AKT3: variants seen among roughly 807,000 people sequenced by gnomAD.
AKT3 encodes the protein AKT serine/threonine kinase 3, also known as RAC-gamma serine/threonine-protein kinase.
A neutral mutation model predicts 65.3 loss-of-function variants in AKT3; 15 were observed. The observed-to-expected ratio is 0.23, with a 90% CI of 0.15 to 0.35. AKT3 has a LOEUF of 0.35. AKT3 is among the 10% of genes least tolerant of loss of function. The pLI is 1.00. For missense variants in AKT3, 243 were observed against 576.5 expected (o/e 0.42, Z 5.92); for synonymous variants, 206 against 183.8 (o/e 1.12, Z -0.98).
At chr1:243,686,659 T>A (rs1168476785) in intron 3 of AKT3, among the ~76,000 whole-genome samples, 251 of 25,026 alleles carry the variant, frequency 0.01, no homozygotes, top group Non-Finnish European at 0.013. Context: ...ATATTTTTTT[T>A]TTTTTTTTTT....
chr1:243,526,778 TTAAAAAAAAAAAAAAAAAAAAAAAAA>T (rs1671125432), intron 12 of AKT3, among the ~76,000 whole-genome samples: 1 of 55,726 alleles, frequency 1.8e-5, no homozygotes, highest in Admixed American at 2.3e-4. Flanking sequence ...CAAAAAATGG[TTAAAAAAAAAAAAAAAAAAAAAAAAA>T]AAAAAAAAAA....
chr1:243,592,352 A>C (rs894281241), intron 8 of AKT3, among the ~76,000 whole-genome samples: 2 of 152,046 alleles, frequency 1.3e-5, no homozygotes, highest in African/African-American at 2.4e-5. Flanking sequence ...AAAAAGACAA[A>C]AAACAAACAA....
At chr1:243,657,984 G>C (rs1325470202) in intron 4 of AKT3, among the ~76,000 whole-genome samples, 1 of 151,984 alleles carries the variant, frequency 6.6e-6, no homozygotes, top group African/African-American at 2.4e-5. Flanking sequence ...ACTCAAAATG[G>C]ATCAAAGAAT....
At chr1:243,811,694 A>G (rs1558835011) in intron 2 of AKT3, among the ~76,000 whole-genome samples, 1 of 152,242 alleles carries the variant, frequency 6.6e-6, no homozygotes, top group Admixed American at 6.5e-5. Context: ...ATGGAACCAA[A>G]AAAGAGCCTG....
At chr1:243,701,981 T>C (rs1685492395) in intron 2 of AKT3, among the ~76,000 whole-genome samples, 1 of 152,082 alleles carries the variant, frequency 6.6e-6, no homozygotes, top group Non-Finnish European at 1.5e-5. Context: ...GTATGATTAT[T>C]TGTCCTTATA....
chr1:243,753,599 G>A (rs1230284999), intron 2 of AKT3, among the ~76,000 whole-genome samples: 1 of 152,160 alleles, frequency 6.6e-6, no homozygotes, highest in Admixed American at 6.5e-5. Context: ...TCTGATAGTT[G>A]TATAATACTG....
intron 8 of AKT3, among the ~76,000 whole-genome samples, chr1:243,606,736 A>G (rs528334522): frequency 6.6e-6 from 1 of 152,350 alleles, no homozygotes; most frequent in South Asian, 2.1e-4. Context: ...GGCATTTCAG[A>G]GACCTTTGCA....
At chr1:243,760,944 C>A (rs1341977013) in intron 2 of AKT3, among the ~76,000 whole-genome samples, 1 of 152,156 alleles carries the variant, frequency 6.6e-6, no homozygotes, top group Non-Finnish European at 1.5e-5. Context: ...CAGAAACACA[C>A]ATAAAACCAG....
At chr1:243,724,353 AT>A (rs1349966329) in intron 2 of AKT3, among the ~76,000 whole-genome samples, 2 of 152,102 alleles carry the variant, frequency 1.3e-5, no homozygotes, top group Non-Finnish European at 2.9e-5. Context: ...TAATATCTCT[AT>A]TTTTAGTTCC....
intron 8 of AKT3, among the ~76,000 whole-genome samples, chr1:243,609,076 C>A (rs1191232606): frequency 2.6e-5 from 4 of 151,728 alleles, no homozygotes; most frequent in Non-Finnish European, 4.4e-5. Context: ...TATAAGGCAT[C>A]CCTGGGCAGC....
intron 13 of AKT3, among the ~76,000 whole-genome samples, chr1:243,507,575 G>A (rs1319009357): frequency 6.6e-6 from 1 of 152,218 alleles, no homozygotes; most frequent in African/African-American, 2.4e-5. Flanking sequence ...CTCTGAGTCG[G>A]AGCCTGTCAA....
chr1:243,562,414 G>A (rs907479942), intron 10 of AKT3, among the ~76,000 whole-genome samples: 1 of 152,126 alleles, frequency 6.6e-6, no homozygotes, highest in Non-Finnish European at 1.5e-5. Context: ...ACAACTCTGT[G>A]AACATATTAA....
intron 10 of AKT3, among the ~76,000 whole-genome samples, chr1:243,559,321 A>G (rs1673613781): frequency 6.6e-6 from 1 of 152,140 alleles, no homozygotes; most frequent in Non-Finnish European, 1.5e-5. Flanking sequence ...TGTTAAAAAC[A>G]CAAAACAAAA....
At chr1:243,542,853 A>G (rs1672410846) in intron 12 of AKT3, among the ~76,000 whole-genome samples, 1 of 152,162 alleles carries the variant, frequency 6.6e-6, no homozygotes, top group Non-Finnish European at 1.5e-5. Flanking sequence ...CTGCTATAAT[A>G]AAGTTGCTCC....
intron 3 of AKT3, among the ~76,000 whole-genome samples, chr1:243,685,598 G>C (rs930305474): frequency 2.0e-5 from 3 of 152,106 alleles, no homozygotes; most frequent in African/African-American, 7.2e-5. Flanking sequence ...AGTATAGTAT[G>C]AAGTCAGGTA....
intron 3 of AKT3, among the ~76,000 whole-genome samples, chr1:243,667,485 C>A (rs934606884): frequency 1.3e-5 from 2 of 152,092 alleles, no homozygotes; most frequent in African/African-American, 4.8e-5. Context: ...ACATCACATT[C>A]ACTCCTCCTG....
intron 2 of AKT3, among the ~76,000 whole-genome samples, chr1:243,795,036 C>A (rs563969339): frequency 1.3e-5 from 2 of 152,150 alleles, no homozygotes; most frequent in African/African-American, 4.8e-5. Flanking sequence ...CATGTCTTCT[C>A]TGATAATACT....
intron 10 of AKT3, 39 bp downstream of exon 10, chr1:243,563,681 T>C (rs1192957773): frequency 6.4e-7 from 1 of 1,566,754 alleles, no homozygotes; most frequent in East Asian, 2.3e-5. Context: ...CAAATCATTA[T>C]GTCAATGTTA....
chr1:243,787,672 C>T (rs1197019578), intron 2 of AKT3, among the ~76,000 whole-genome samples: 1 of 152,154 alleles, frequency 6.6e-6, no homozygotes, highest in East Asian at 1.9e-4. Context: ...TACTTATCTA[C>T]TATATATTTA....
Sources: allele counts gnomAD v4.1 joint callset (sites outside exome capture counted in the v4.1 genomes callset), GRCh38; gene constraint gnomAD v4.1.1; transcripts MANE v1.5; gene names NCBI Gene and HGNC (gene_info 2026-07-23, HGNC 2026-07-21).